DENND1C: variants seen among roughly 807,000 people sequenced by gnomAD.
DENND1C encodes DENN domain containing 1C.
DENND1C carries 64 observed loss-of-function variants against 87.9 expected under a neutral mutation model. The ratio of observed to expected loss-of-function variants is 0.73; its 90% CI spans 0.60 to 0.90. The LOEUF (loss-of-function observed/expected upper bound fraction) is 0.90. DENND1C is among the 40% of genes least tolerant of loss of function. DENND1C has a pLI of 0.00. For synonymous variants in DENND1C, 384 were observed against 424.4 expected (o/e 0.90, Z 1.17); for missense variants, 980 against 1,037.0 (o/e 0.95, Z 0.76).
chr19:6,476,840 G>A lies in DENND1C; in HGVS notation c.678+17C>T. 1.2e-6 allele frequency: 2 copies of A among 1,605,314 alleles called. No individual in the cohort carries two copies. Among genetic ancestry groups the A allele is most frequent in the African/African-American group, 1.3e-5 (1 of 74,904 alleles). ...CCAGGCCCTGCTCCCACCCCGGCCC[G>A]GCGGACCCCGCCTCACGGTGCTGAG... is the stretch of plus-strand genomic sequence containing the variant. On this transcript the variant is annotated intron_variant, in intron 10 of 22. Transcript: ENST00000381480.
intron 6 of DENND1C, among the ~76,000 whole-genome samples, chr19:6,478,547 C>A (rs909148148): frequency 1.3e-5 from 2 of 152,006 alleles, no homozygotes; most frequent in Non-Finnish European, 2.9e-5. Context: ...TGAGCCACAG[C>A]ACTTGGCCAA....
rs376966529 is a variant in DENND1C at position 6,470,316 on chromosome 19, G to A, written c.1341C>T (p.Ala447=). 24 of 1,611,712 alleles carry A rather than the reference G, an allele frequency of 1.5e-5. No individual in the cohort carries two copies. The highest frequency in any genetic ancestry group is 4.0e-5 in the African/African-American group (3 of 74,860). ...LHSVKAKTQP[A]VKNMYRSAKS... Reference sequence around the variant, plus strand: ...TCACCGAGCGGTACATGTTCTTGACGGCTGGTTGGGTCTTGGCCTTGACTG... The same window carrying A: ...TCACCGAGCGGTACATGTTCTTGACAGCTGGTTGGGTCTTGGCCTTGACTG... The change falls in exon 18 of 23, where the codon GCC becomes GCT. Residue 447 remains alanine, a synonymous_variant. Coordinates refer to ENST00000381480, the MANE Select transcript of DENND1C (RefSeq NM_024898.4).
Position 6,468,887 on chromosome 19 carries a change from G to A in DENND1C, c.1474C>T (p.Arg492Cys), listed in dbSNP as rs751493772. Residue 492 changes from arginine (R) to cysteine (C), a missense_variant, in exon 20 of 23, where the codon CGC becomes TGC. By Grantham distance (180) the Arg-to-Cys change is radical. Coordinates refer to ENST00000381480, the MANE Select transcript of DENND1C (RefSeq NM_024898.4). ...GTGATTGGGAGGCGTTGCTGCAGGC[G>A]GTCTGAGCGGCTGGGGAGGGCTGGG... is the stretch of plus-strand genomic sequence containing the variant. ...RAPALPSRSD[R>C]LQQRLPITQH... 13 of 1,507,882 alleles carry A rather than the reference G, an allele frequency of 8.6e-6. No individual in the cohort carries two copies. The highest frequency in any genetic ancestry group is 1.8e-4 in the Middle Eastern group (1 of 5,650). 93.4% of individuals were successfully genotyped at this position (1,507,882 alleles called of 1,614,324 possible). A position where few individuals can be genotyped will look rare whatever the true frequency, so the allele number is the denominator to read the frequency against.
At position 6,474,466 on chromosome 19, in the gene DENND1C, A is replaced by G. The variant is rs2145195213; in HGVS notation, c.1053+808T>C. Among the ~76,000 whole-genome samples the G allele has an allele frequency of 2.0e-5, 3 of 152,326 alleles. No individual in the cohort carries two copies. In the South Asian group the frequency reaches 6.2e-4, roughly 32 times the overall value. ...TTCAGAGATCAAGGCCCCGGCTTCA[A>G]CATTCACCCACTGTGGGACTTCTCC... On this transcript the variant is annotated intron_variant, in intron 14 of 22. Coordinates refer to ENST00000381480, the MANE Select transcript of DENND1C (RefSeq NM_024898.4).
chr19:6,477,911 A>T (rs1263307142), intron 6 of DENND1C, among the ~76,000 whole-genome samples: 2 of 14,770 alleles, frequency 1.4e-4, no homozygotes, highest in Non-Finnish European at 3.5e-4. Flanking sequence ...TAAAAGTACA[A>T]AAAAAAAAAA....
At position 6,475,277 on chromosome 19, in the gene DENND1C, G is replaced by A. The variant is rs2092851942; in HGVS notation, c.1050C>T (p.Ser350=). The change falls in exon 14 of 23, where the codon AGC becomes AGT. Residue 350 remains serine (S), a synonymous_variant. Coordinates refer to ENST00000381480, the MANE Select transcript of DENND1C (RefSeq NM_024898.4). ...CCGCAGCGTCCCCGCTGCTCACCGG[G>A]CTGCAGACGAGTGCGTCGCGGTACC... is the stretch of plus-strand genomic sequence containing the variant. ...FGGYRDALVC[S]PGQPVTFSEE... 1 of 1,613,054 alleles carries A rather than the reference G, an allele frequency of 6.2e-7. No individual in the cohort carries two copies. The highest frequency in any genetic ancestry group is 1.3e-5 in the African/African-American group (1 of 74,936).
In DENND1C at chr19:6,468,013, T is replaced by C. The variant is rs1599374559; in HGVS notation, c.1897A>G (p.Ser633Gly). 1.9e-6 allele frequency: 3 copies of C among 1,613,882 alleles called. No individual in the cohort carries two copies. The highest frequency in any genetic ancestry group is 2.5e-6 in the Non-Finnish European group (3 of 1,179,848). Reference sequence around the variant, plus strand: ...TGGGACCTGGAGTCCTTTGAAGAGCTGGTGGCATCCAAAGACGAGGCATTT... The same window carrying C: ...TGGGACCTGGAGTCCTTTGAAGAGCCGGTGGCATCCAAAGACGAGGCATTT... The part of the protein sequence containing the change: ...LQNASSLDAT[S>G]SSKDSRSQLI... The change falls in exon 23 of 23, where the codon AGC becomes GGC. Residue 633 changes from serine to glycine, a missense_variant. Physicochemically the swap from Ser to Gly is moderately conservative, Grantham distance 56 (BLOSUM62 0). Transcript: ENST00000381480.
At chr19:6,481,191 G>A (rs899247527) in intron 1 of DENND1C, among the ~76,000 whole-genome samples, 1 of 151,574 alleles carries the variant, frequency 6.6e-6, no homozygotes, top group Non-Finnish European at 1.5e-5. Context: ...TGGGCTCAAG[G>A]AGAGAGACAG....
Position 6,469,582 on chromosome 19 carries a change from C to T in DENND1C, c.1407+14G>A. On this transcript the variant is annotated intron_variant, in intron 19 of 22. Coordinates refer to ENST00000381480, the MANE Select transcript of DENND1C (RefSeq NM_024898.4). The stretch of plus-strand genomic sequence containing the variant: ...TACAGGGGTGAGCCACTGCACCCGG[C>T]CAGTTGATCTTACCTTATACATTAG... 1 of 1,601,250 alleles carries T rather than the reference C, an allele frequency of 6.2e-7. No homozygotes were observed. Among genetic ancestry groups the T allele is most frequent in the Non-Finnish European group, 8.5e-7 (1 of 1,174,250 alleles).
At position 6,469,791 on chromosome 19, in the gene DENND1C, A is replaced by G. The variant is rs556623904; in HGVS notation, c.1363-151T>C. On this transcript the variant is annotated intron_variant, in intron 18 of 22. Coordinates refer to ENST00000381480, the MANE Select transcript of DENND1C (RefSeq NM_024898.4). ...CCCCCATACACCACCTAAGAAGTCA[A>G]TGCAAACTTTCACCCCTTTGACTAA... The G allele has an allele frequency of 3.0e-4, 224 of 736,296 alleles. 4 individuals carry two copies. In the South Asian group the frequency reaches 3.6e-3, roughly 12 times the overall value. The allele number at this position is 736,296 out of a possible 1,614,324, so 45.6% of individuals were successfully genotyped here. A position where few individuals can be genotyped will look rare whatever the true frequency, so the allele number is the denominator to read the frequency against.
chr19:6,476,800 C>T (rs1298437737), intron 10 of DENND1C, 57 bp downstream of exon 10: 9 of 1,534,612 alleles, frequency 5.9e-6, no homozygotes, highest in East Asian at 2.3e-5. Context: ...CCTTGTCCCG[C>T]CCCCCGGGGC....
intron 21 of DENND1C, 26 bp downstream of exon 21, chr19:6,468,552 A>G (rs2145171675): frequency 6.4e-7 from 1 of 1,553,786 alleles, no homozygotes; most frequent in East Asian, 2.4e-5. Flanking sequence ...CCCACTTTCA[A>G]CACTGCTGTT....
chr19:6,478,989 A>G lies in DENND1C; in HGVS notation c.244T>C (p.Phe82Leu). The G allele has an allele frequency of 1.2e-6, 2 of 1,613,834 alleles. No individual in the cohort carries two copies. The highest frequency in any genetic ancestry group is 1.7e-6 in the Non-Finnish European group (2 of 1,179,826). The change falls in exon 5 of 23, where the codon TTT becomes CTT. Residue 82 changes from phenylalanine (F) to leucine (L), a missense_variant. By Grantham distance (22) the Phe-to-Leu change is conservative. Coordinates refer to ENST00000381480, the MANE Select transcript of DENND1C (RefSeq NM_024898.4). The part of the protein sequence containing the change: ...ALTDLAGNRR[F>L]GFCRLRAGTQ... ...CCCGCCCGCAGGCGGCAGAAACCAAATCTGCGGTTGCCGGCAAGGTCTGTG... is the reference window on the plus strand; with the variant it reads ...CCCGCCCGCAGGCGGCAGAAACCAAGTCTGCGGTTGCCGGCAAGGTCTGTG...
chr19:6,469,028 A>T, intron 19 of DENND1C, 75 bp from the exon 20 acceptor site: 4 of 846,092 alleles, frequency 4.7e-6, no homozygotes, highest in Non-Finnish European at 6.3e-6. Flanking sequence ...GTCTTTAGTT[A>T]GTCTTTTTTT....
chr19:6,481,727 C>G lies in DENND1C; in HGVS notation c.-32G>C, dbSNP rs1364849094. 3 of 1,554,248 alleles carry G rather than the reference C, an allele frequency of 1.9e-6. 1 individual carries two copies. The South Asian group carries it at 3.6e-5, about 19-fold the overall frequency. Reference sequence around the variant, plus strand: ...TGCAGGGCCAGCCCAGCGGGGCCCTCTCCCCAGGGGTCCTGGGGGCCTGTG... The same window carrying G: ...TGCAGGGCCAGCCCAGCGGGGCCCTGTCCCCAGGGGTCCTGGGGGCCTGTG... On this transcript the variant is annotated 5_prime_UTR_variant, in exon 1 of 23. Coordinates refer to ENST00000381480, the MANE Select transcript of DENND1C (RefSeq NM_024898.4).
rs775566768 is a variant in DENND1C at position 6,475,339 on chromosome 19, G to A, written c.988C>T (p.Arg330Cys). ...VALAPGEGVS[R>C]LFLKAQALLF... ...AGGGCCTGGGCTTTGAGGAAGAGAC[G>A]GGACACCCCTTCCCCGGGGGCCAGG... Residue 330 changes from arginine (R) to cysteine (C), a missense_variant, in exon 14 of 23, where the codon CGT becomes TGT. By Grantham distance (180) the Arg-to-Cys change is radical. Transcript: ENST00000381480. 3 of 1,613,032 alleles carry A rather than the reference G, an allele frequency of 1.9e-6. No individual in the cohort carries two copies. The highest frequency in any genetic ancestry group is 2.2e-5 in the East Asian group (1 of 44,842).
chr19:6,473,773 G>A (rs541716172), intron 14 of DENND1C, among the ~76,000 whole-genome samples: 3 of 143,524 alleles, frequency 2.1e-5, no homozygotes, highest in Non-Finnish European at 3.1e-5. Flanking sequence ...CATTTATCTC[G>A]AGTAAGGTGG....
chr19:6,475,552 C>T lies in DENND1C; in HGVS notation c.859G>A (p.Val287Met), dbSNP rs768704752. Reference protein sequence around the residue: ...VREKALEDVVVLNVDANTLET... With the variant: ...VREKALEDVVMLNVDANTLET... The stretch of plus-strand genomic sequence containing the variant: ...AAGGTATTGGCGTCCACGTTCAGCA[C>T]CACGACGTCCTCCAGGGCTTTTTCT... Residue 287 changes from valine (V) to methionine (M), a missense_variant, in exon 13 of 23, where the codon GTG becomes ATG. Val to Met is a conservative substitution (Grantham distance 21). Coordinates refer to ENST00000381480, the MANE Select transcript of DENND1C (RefSeq NM_024898.4). 1.2e-6 allele frequency: 2 copies of T among 1,614,008 alleles called. No homozygotes were observed. The highest frequency in any genetic ancestry group is 3.3e-5 in the Admixed American group (2 of 60,026).
At chr19:6,469,349 A>T in intron 19 of DENND1C, 1 of 502,422 alleles carries the variant, frequency 2.0e-6, no homozygotes. Flanking sequence ...CTTTTTTTTG[A>T]GACAGGGTCT....
Sources: allele counts gnomAD v4.1 joint callset (sites outside exome capture counted in the v4.1 genomes callset), GRCh38; gene constraint gnomAD v4.1.1; transcripts MANE v1.5; gene names NCBI Gene and HGNC (gene_info 2026-07-23, HGNC 2026-07-21).